AGBL1: variants seen among roughly 807,000 people sequenced by gnomAD.
AGBL1 encodes the protein AGBL carboxypeptidase 1.
Under a neutral mutation model 118.9 loss-of-function variants are expected in AGBL1, and 130 were observed. That is an observed-to-expected ratio of 1.09 (90% CI 0.95 to 1.26). AGBL1 has a LOEUF of 1.26. AGBL1 is among the 50% of genes most tolerant of loss of function. The probability of loss-of-function intolerance (pLI) is 0.00; values close to 1 mark genes in which losing one functional copy is unlikely to be tolerated. For missense variants in AGBL1, 1,584 were observed against 1,298.1 expected (o/e 1.22, Z -3.38); for synonymous variants, 555 against 478.9 (o/e 1.16, Z -2.08).
chr15:86,567,469 T>C (rs879387538), intron 21 of AGBL1, among the ~76,000 whole-genome samples: 1 of 152,192 alleles, frequency 6.6e-6, no homozygotes, highest in Non-Finnish European at 1.5e-5. Context: ...GTGAGCCTTC[T>C]TCTAGGAGAA....
intron 23 of AGBL1, among the ~76,000 whole-genome samples, chr15:86,956,332 A>T (rs920142668): frequency 1.3e-5 from 2 of 152,046 alleles, no homozygotes; most frequent in African/African-American, 4.8e-5. Flanking sequence ...ATAGATGGAT[A>T]GATAGATAGA....
chr15:86,825,681 A>AAGAAAGAG (rs2079000036), intron 22 of AGBL1, among the ~76,000 whole-genome samples: 1 of 129,144 alleles, frequency 7.7e-6, no homozygotes, highest in Non-Finnish European at 1.7e-5. Context: ...GGGAGGAAGG[A>AAGAAAGAG]AGGGAGAGAG....
intron 5 of AGBL1, among the ~76,000 whole-genome samples, chr15:86,196,146 C>G (rs1332285278): frequency 6.6e-6 from 1 of 152,098 alleles, no homozygotes; most frequent in Non-Finnish European, 1.5e-5. Context: ...TAAATTATAT[C>G]ATTTATGATG....
intron 1 of AGBL1, among the ~76,000 whole-genome samples, chr15:86,101,538 A>G (rs938199434): frequency 1.3e-5 from 2 of 151,326 alleles, no homozygotes; most frequent in Non-Finnish European, 2.9e-5. Flanking sequence ...TGCTTTATAA[A>G]TCTTTGTGCT....
intron 5 of AGBL1, among the ~76,000 whole-genome samples, chr15:86,191,172 C>A (rs1419698251): frequency 6.6e-6 from 1 of 151,130 alleles, no homozygotes; most frequent in Non-Finnish European, 1.5e-5. Context: ...GTGAAACCCC[C>A]CCTCCCTACT....
chr15:86,327,515 A>G lies in AGBL1; in HGVS notation c.2374+32107A>G, dbSNP rs1159651904. On this transcript the variant is annotated intron_variant, in intron 17 of 22. Coordinates refer to ENST00000614907, the MANE Select transcript of AGBL1 (RefSeq NM_001386094.1). ...TCCAGAAATTAGTTTAGTTCAGCTT[A>G]TTTATTTTAAGAAGCGATGAAAGCC... Among the ~76,000 whole-genome samples, 3 of 152,174 alleles carry G rather than the reference A, an allele frequency of 2.0e-5. No individual in the cohort carries two copies. The East Asian group carries it at 5.8e-4, about 29-fold the overall frequency.
At chr15:86,360,335 G>C (rs78746135) in intron 17 of AGBL1, among the ~76,000 whole-genome samples, 6 of 55,550 alleles carry the variant, frequency 1.1e-4, no homozygotes, top group African/African-American at 3.6e-4. Context: ...TTTTTTTTTT[G>C]TTAATGTGGT....
chr15:86,432,909 C>T (rs1567255968), intron 18 of AGBL1, among the ~76,000 whole-genome samples: 1 of 152,192 alleles, frequency 6.6e-6, no homozygotes, highest in Non-Finnish European at 1.5e-5. Flanking sequence ...ACTGGAGTGG[C>T]CCCTGTCCCC....
chr15:86,137,555 C>T (rs148972930), intron 1 of AGBL1, among the ~76,000 whole-genome samples: 11 of 152,202 alleles, frequency 7.2e-5, no homozygotes, highest in Admixed American at 2.6e-4. Flanking sequence ...TGTCTTCATA[C>T]GGCAATGTCC....
intron 13 of AGBL1, among the ~76,000 whole-genome samples, chr15:86,269,328 TC>T (rs1278150949): frequency 6.6e-6 from 1 of 152,232 alleles, no homozygotes; most frequent in African/African-American, 2.4e-5. Flanking sequence ...TTTAGACACT[TC>T]CATTTTCCGT....
chr15:86,860,941 C>CA (rs1444879476), intron 22 of AGBL1, among the ~76,000 whole-genome samples: 1 of 152,100 alleles, frequency 6.6e-6, no homozygotes, highest in Non-Finnish European at 1.5e-5. Flanking sequence ...TGTGCCTCCC[C>CA]AGCCCAGGCA....
intron 18 of AGBL1, among the ~76,000 whole-genome samples, chr15:86,494,770 C>G (rs1173744100): frequency 6.6e-6 from 1 of 151,908 alleles, no homozygotes; most frequent in East Asian, 1.9e-4. Flanking sequence ...AAAAATAAGT[C>G]TAGATAGTGA....
intron 1 of AGBL1, among the ~76,000 whole-genome samples, chr15:86,117,454 T>A (rs1321615237): frequency 2.6e-5 from 4 of 152,210 alleles, no homozygotes; most frequent in Non-Finnish European, 5.9e-5. Flanking sequence ...CCTGTGTGAC[T>A]ATTGTGTTGA....
At chr15:86,687,881 G>A (rs1197672387) in intron 22 of AGBL1, among the ~76,000 whole-genome samples, 1 of 152,112 alleles carries the variant, frequency 6.6e-6, no homozygotes, top group Non-Finnish European at 1.5e-5. Flanking sequence ...CTGGCAGCCA[G>A]GTCAGTACAA....
chr15:86,572,679 A>G (rs74026905), intron 21 of AGBL1, among the ~76,000 whole-genome samples: 10,552 of 152,238 alleles, frequency 0.069, 426 homozygotes, highest in African/African-American at 0.12. Context: ...CGGCTGCCTC[A>G]GGGTACAGGG....
intron 22 of AGBL1, among the ~76,000 whole-genome samples, chr15:86,806,951 T>C (rs550735006): frequency 2.6e-5 from 4 of 152,206 alleles, no homozygotes; most frequent in African/African-American, 4.8e-5. Flanking sequence ...TACATCTGCA[T>C]TGCAGAACTG....
chr15:86,635,297 CT>C (rs2085061209), intron 21 of AGBL1, among the ~76,000 whole-genome samples: 16 of 12,186 alleles, frequency 1.3e-3, no homozygotes, highest in Non-Finnish European at 2.6e-3. Flanking sequence ...CCCCCTCCCC[CT>C]CCCCTCCTCC....
At chr15:86,782,031 T>G (rs992774285) in intron 22 of AGBL1, among the ~76,000 whole-genome samples, 116 of 152,246 alleles carry the variant, frequency 7.6e-4, no homozygotes, top group African/African-American at 2.8e-3. Flanking sequence ...GATCTTGGAC[T>G]TCATAGTCTT....
intron 23 of AGBL1, among the ~76,000 whole-genome samples, chr15:86,928,172 G>A (rs2080565542): frequency 1.3e-5 from 2 of 152,122 alleles, no homozygotes; most frequent in African/African-American, 2.4e-5. Flanking sequence ...AAGTCATAAG[G>A]CAATTGATGG....
Sources: allele counts gnomAD v4.1 joint callset (sites outside exome capture counted in the v4.1 genomes callset), GRCh38; gene constraint gnomAD v4.1.1; transcripts MANE v1.5; gene names NCBI Gene and HGNC (gene_info 2026-07-23, HGNC 2026-07-21).